ZNF292: variants seen among roughly 807,000 people sequenced by gnomAD.
ZNF292 encodes zinc finger protein 292.
A neutral mutation model predicts 217.9 loss-of-function variants in ZNF292; 26 were observed. That is an observed-to-expected ratio of 0.12 (90% CI 0.09 to 0.17). The LOEUF (loss-of-function observed/expected upper bound fraction) is 0.17. Among genes scored for constraint, ZNF292 ranks in the 10% least tolerant of loss-of-function variants. The pLI is 1.00. For synonymous variants in ZNF292, 1,257 were observed against 1,124.1 expected, an observed-to-expected ratio of 1.12 and a Z score of -2.37; for missense variants, 2,904 against 3,175.2, an observed-to-expected ratio of 0.91 and a Z score of 2.05.
intron 1 of ZNF292, among the ~76,000 whole-genome samples, chr6:87,199,513 G>A (rs1471654694): frequency 6.6e-6 from 1 of 152,120 alleles, no homozygotes. Context: ...TCCAATTTAT[G>A]AACTTTATAA....
intron 1 of ZNF292, among the ~76,000 whole-genome samples, chr6:87,157,838 G>A (rs1388203848): frequency 2.0e-5 from 3 of 152,212 alleles, no homozygotes; most frequent in South Asian, 4.1e-4. Flanking sequence ...ACAGGCGTGC[G>A]CCACCAAGCC....
rs1351057991 is a variant in ZNF292 at position 87,182,665 on chromosome 6, T to TA, written c.168+26907dup. 5.3e-5 allele frequency among the ~76,000 whole-genome samples: 8 copies of TA among 152,326 alleles called. No individual in the cohort carries two copies. The East Asian group carries it at 1.5e-3, about 29-fold the overall frequency. ...ATATGTGTAAAATAGTTGGTGATGA[T>TA]ATGTTTCTAGAAATTGAAGGAGGAA... is the stretch of plus-strand genomic sequence containing the variant. On this transcript the variant is annotated intron_variant, in intron 1 of 7. Coordinates refer to ENST00000369577, the MANE Select transcript of ZNF292 (RefSeq NM_015021.3).
chr6:87,204,554 ATTTTTT>A (rs68087857), intron 1 of ZNF292, among the ~76,000 whole-genome samples: 18 of 63,638 alleles, frequency 2.8e-4, no homozygotes, highest in African/African-American at 9.0e-4. Context: ...AACATTTAGG[ATTTTTT>A]TTTTTTTTTT....
intron 1 of ZNF292, among the ~76,000 whole-genome samples, chr6:87,175,250 G>A (rs1206352000): frequency 6.6e-6 from 1 of 151,550 alleles, no homozygotes; most frequent in Non-Finnish European, 1.5e-5. Flanking sequence ...TCCCCTCATC[G>A]TTATTGCCAG....
chr6:87,241,111 C>T (rs1452665702), intron 5 of ZNF292, among the ~76,000 whole-genome samples: 4 of 152,090 alleles, frequency 2.6e-5, no homozygotes, highest in Non-Finnish European at 4.4e-5. Flanking sequence ...AGTGAAACCC[C>T]ATCTCTACTA....
rs770688592 is a variant in ZNF292, at chr6:87,259,193, C to T, written c.5564C>T (p.Thr1855Ile). The change falls in exon 8 of 8, where the codon ACT becomes ATT. Residue 1855 changes from threonine to isoleucine, a missense_variant. By Grantham distance (89) the Thr-to-Ile change is moderately conservative. Coordinates refer to ENST00000369577, the MANE Select transcript of ZNF292 (RefSeq NM_015021.3). ...TTAAAATTAGAAAATGACCTATCCA[C>T]TCCAGCATCCCAATGTGTACTGATA... The part of the protein sequence containing the change: ...QKLKLENDLS[T>I]PASQCVLINT... The T allele has an allele frequency of 1.9e-6, 3 of 1,613,712 alleles. No individual in the cohort carries two copies. In the Admixed American group the frequency reaches 5.0e-5, roughly 27 times the overall value.
chr6:87,168,617 G>A (rs531301074), intron 1 of ZNF292, among the ~76,000 whole-genome samples: 53 of 152,146 alleles, frequency 3.5e-4, no homozygotes, highest in African/African-American at 1.2e-3. Context: ...TTACAGGTGC[G>A]CACCTCTGTG....
At chr6:87,221,957 A>G (rs1288763772) in intron 4 of ZNF292, among the ~76,000 whole-genome samples, 2 of 151,052 alleles carry the variant, frequency 1.3e-5, no homozygotes, top group Admixed American at 6.6e-5. Context: ...TCACAACTCA[A>G]TGAGGTTACT....
chr6:87,259,933 C>T lies in ZNF292; in HGVS notation c.6304C>T (p.Leu2102Phe), dbSNP rs759454805. The T allele has an allele frequency of 4.3e-6, 7 of 1,613,632 alleles. No homozygotes were observed. The highest frequency in any genetic ancestry group is 1.1e-5 in the South Asian group (1 of 91,072). The change falls in exon 8 of 8, where the codon CTT (leucine) becomes TTT (phenylalanine). Residue 2102 changes from leucine to phenylalanine, a missense_variant. Physicochemically the swap from Leu to Phe is conservative, Grantham distance 22. Around this residue, in one of 15 missense-constraint regions of ZNF292, gnomAD observed 261 missense variants for 272.8 expected, o/e 0.96. Transcript: ENST00000369577. ...ACGAAAGAAGCCAGTTTCCCAATCC[C>T]TTGAGTTTCCAACAAGATACAGTCC... ...KKRKKPVSQS[L>F]EFPTRYSPYR...
intron 4 of ZNF292, among the ~76,000 whole-genome samples, chr6:87,224,822 T>C (rs1773261404): frequency 6.6e-6 from 1 of 152,196 alleles, no homozygotes; most frequent in Non-Finnish European, 1.5e-5. Flanking sequence ...ATAAAGCCGT[T>C]ATAAACATGT....
chr6:87,189,263 T>C (rs1232422647), intron 1 of ZNF292, among the ~76,000 whole-genome samples: 1 of 151,870 alleles, frequency 6.6e-6, no homozygotes, highest in East Asian at 1.9e-4. Context: ...CAAAATAAAT[T>C]TTTTATTAGT....
At chr6:87,233,272 G>A in intron 4 of ZNF292, 53 bp from the exon 5 acceptor site, 3 of 1,318,070 alleles carry the variant, frequency 2.3e-6, no homozygotes, top group Middle Eastern at 2.7e-4. Flanking sequence ...TGTTGGTATT[G>A]CAAATGAATT....
intron 7 of ZNF292, among the ~76,000 whole-genome samples, chr6:87,247,032 G>A (rs1185814376): frequency 6.6e-6 from 1 of 152,098 alleles, no homozygotes; most frequent in African/African-American, 2.4e-5. Context: ...GCAGGTGCCT[G>A]TAGTCCCAGC....
Position 87,263,364 on chromosome 6 carries a change from TTGA to T in ZNF292, c.*1568_*1570del, listed in dbSNP as rs1210692719. ...TTCACAATATTATTGGCCTGAGATA[TTGA>T]TGATATTGTGATGGTATGAAAATGT... On this transcript the variant is annotated 3_prime_UTR_variant, in exon 8 of 8. Coordinates refer to ENST00000369577, the MANE Select transcript of ZNF292 (RefSeq NM_015021.3). 1.3e-5 allele frequency: 2 copies of T among 152,020 alleles called. No homozygotes were observed. The highest frequency in any genetic ancestry group is 1.5e-5 in the Non-Finnish European group (1 of 67,918). 9.4% of individuals were successfully genotyped at this position (152,020 alleles called of 1,614,324 possible). A position where few individuals can be genotyped will look rare whatever the true frequency, so the allele number is the denominator to read the frequency against.
intron 1 of ZNF292, among the ~76,000 whole-genome samples, chr6:87,158,143 A>G (rs1023700538): frequency 6.6e-6 from 1 of 152,246 alleles, no homozygotes; most frequent in African/African-American, 2.4e-5. Context: ...AAAACATCAA[A>G]CACTAATGAA....
intron 1 of ZNF292, among the ~76,000 whole-genome samples, chr6:87,176,833 A>G (rs1052938969): frequency 2.0e-5 from 3 of 152,020 alleles, no homozygotes; most frequent in African/African-American, 7.2e-5. Context: ...ATTTTTATAG[A>G]CTTTTAGCCC....
chr6:87,202,093 G>A (rs1772116695), intron 1 of ZNF292, among the ~76,000 whole-genome samples: 1 of 152,112 alleles, frequency 6.6e-6, no homozygotes, highest in Non-Finnish European at 1.5e-5. Flanking sequence ...GTCAAATTCT[G>A]TAAATAATCC....
In ZNF292 at chr6:87,259,764, A is replaced by G; in HGVS notation, c.6135A>G (p.Val2045=). ...NVAVIPEKQL[V]EKKSPDKTES... ...CAGTGATCCCAGAAAAACAACTTGT[A>G]GAAAAAAAAAGTCCTGACAAAACAG... The change falls in exon 8 of 8, where the codon GTA becomes GTG. Residue 2045 remains valine, a synonymous_variant. Coordinates refer to ENST00000369577, the MANE Select transcript of ZNF292 (RefSeq NM_015021.3). The G allele has an allele frequency of 1.9e-6, 3 of 1,602,042 alleles. No individual in the cohort carries two copies. Among genetic ancestry groups the G allele is most frequent in the Non-Finnish European group, 2.6e-6 (3 of 1,173,946 alleles).
At chr6:87,179,160 T>C (rs1193504532) in intron 1 of ZNF292, among the ~76,000 whole-genome samples, 1 of 123,172 alleles carries the variant, frequency 8.1e-6, no homozygotes, top group Non-Finnish European at 1.7e-5. Context: ...ATATGTGGCT[T>C]TTTTTTTTTT....
Sources: gnomAD v4.1 joint callset for allele counts (sites outside exome capture counted in the v4.1 genomes callset) on GRCh38, gnomAD v4.1.1 for gene constraint, gnomAD v4.1.1 regional missense constraint, MANE v1.5 for transcripts, NCBI Gene and HGNC (gene_info 2026-07-23, HGNC 2026-07-21) for gene names.